MAL: variants seen among roughly 807,000 people sequenced by gnomAD.
MAL encodes the protein mal, T cell differentiation protein (MAL blood group).
MAL carries 5 observed loss-of-function variants against 16.7 expected under a neutral mutation model. That is an observed-to-expected ratio of 0.30 (90% CI 0.16 to 0.63). The LOEUF (loss-of-function observed/expected upper bound fraction) is 0.63, where lower values mean the gene tolerates loss of function less well. Among genes scored for constraint, MAL ranks in the 30% least tolerant of loss-of-function variants. The probability of loss-of-function intolerance (pLI) is 0.82; values close to 1 mark genes in which losing one functional copy is unlikely to be tolerated. For missense variants in MAL, 202 were observed against 195.8 expected (o/e 1.03, Z -0.19); for synonymous variants, 96 against 85.5 (o/e 1.12, Z -0.67).
chr2:95,043,354 G>A (rs1674514674), intron 1 of MAL, among the ~76,000 whole-genome samples: 1 of 152,250 alleles, frequency 6.6e-6, no homozygotes, highest in South Asian at 2.1e-4. Flanking sequence ...GTAGTGCTGG[G>A]CTCAGTGCCA....
At position 95,049,570 on chromosome 2, in the gene MAL, C is replaced by T. The variant is rs757384612; in HGVS notation, c.262-11C>T. 1.2e-6 allele frequency: 2 copies of T among 1,614,110 alleles called. No homozygotes were observed. Among genetic ancestry groups the T allele is most frequent in the South Asian group, 1.1e-5 (1 of 91,068 alleles). On this transcript the variant is annotated splice_polypyrimidine_tract_variant and intron_variant, in intron 2 of 3. Coordinates refer to ENST00000309988, the MANE Select transcript of MAL (RefSeq NM_002371.4). ...TCTCCCCATCCCTCTGACACCCCGT[C>T]TGCCCCATAGGACGCAGCCTACCAC... is the stretch of plus-strand genomic sequence containing the variant.
intron 3 of MAL, among the ~76,000 whole-genome samples, chr2:95,052,220 C>T (rs1172291933): frequency 1.3e-5 from 2 of 152,172 alleles, no homozygotes; most frequent in Non-Finnish European, 2.9e-5. Flanking sequence ...TTTCTGAAGC[C>T]AAAATTTGCC....
chr2:95,048,366 C>T (rs1395821719), intron 2 of MAL, among the ~76,000 whole-genome samples: 4 of 152,174 alleles, frequency 2.6e-5, no homozygotes, highest in South Asian at 2.1e-4. Context: ...TGCATGACTG[C>T]CTTTCCATGG....
Position 95,047,948 on chromosome 2 carries a change from C to T in MAL, c.94-11C>T, listed in dbSNP as rs1455141325. 6.2e-7 allele frequency: 1 copy of T among 1,611,940 alleles called. No individual in the cohort carries two copies. The highest frequency in any genetic ancestry group is 1.1e-5 in the South Asian group (1 of 90,964). ...TCTAGGCCAAAACTCACCCCTCCTC[C>T]TCCCCCGCAGATCTTCGGGGGCCTG... On this transcript the variant is annotated splice_polypyrimidine_tract_variant and intron_variant, in intron 1 of 3. Transcript: ENST00000309988.
chr2:95,045,768 C>T (rs1163017660), intron 1 of MAL, among the ~76,000 whole-genome samples: 1 of 152,222 alleles, frequency 6.6e-6, no homozygotes, highest in Non-Finnish European at 1.5e-5. Flanking sequence ...CTCCTGAATC[C>T]AAGCCCTGCC....
chr2:95,043,113 G>A (rs1395297666), intron 1 of MAL, among the ~76,000 whole-genome samples: 1 of 152,226 alleles, frequency 6.6e-6, no homozygotes. Flanking sequence ...CATCCTCTGA[G>A]CTTGGCATGT....
At position 95,037,120 on chromosome 2, in the gene MAL, G is replaced by GGTGA. The variant is rs1181938378; in HGVS notation, c.94-10822_94-10819dup. 1.1e-3 allele frequency among the ~76,000 whole-genome samples: 77 copies of GGTGA among 69,472 alleles called. 1 individual carries two copies. Among genetic ancestry groups the GGTGA allele is most frequent in the Non-Finnish European group, 1.5e-3 (49 of 32,978 alleles). The allele number at this position is 69,472 out of a possible 152,430, so 45.6% of individuals were successfully genotyped here. A position where few individuals can be genotyped will look rare whatever the true frequency, so the allele number is the denominator to read the frequency against. On this transcript the variant is annotated intron_variant, in intron 1 of 3. Transcript: ENST00000309988. ...GAGTGGGTGAGTGAGTGACTGAGTG[G>GGTGA]GTGAGTGAGTGAGTGAGTGACTGAG...
At chr2:95,031,797 C>T (rs1377900448) in intron 1 of MAL, among the ~76,000 whole-genome samples, 3 of 152,254 alleles carry the variant, frequency 2.0e-5, no homozygotes. Context: ...GGGCTACTGC[C>T]TGATCTTCCG....
intron 3 of MAL, among the ~76,000 whole-genome samples, chr2:95,052,180 G>A (rs933263172): frequency 7.9e-5 from 12 of 152,234 alleles, no homozygotes; most frequent in Non-Finnish European, 1.6e-4. Context: ...ACAATGGTGG[G>A]CAGTGATGGC....
chr2:95,053,134 T>C (rs1027974213), intron 3 of MAL: 1 of 428,078 alleles, frequency 2.3e-6, no homozygotes, highest in Non-Finnish European at 4.2e-6. Context: ...TGCTGGGTGA[T>C]AGTGGAGAGT....
At chr2:95,046,242 A>G (rs1003713281) in intron 1 of MAL, among the ~76,000 whole-genome samples, 1 of 152,224 alleles carries the variant, frequency 6.6e-6, no homozygotes, top group African/African-American at 2.4e-5. Flanking sequence ...ACCACAGGGG[A>G]CATAGGCCTG....
chr2:95,031,931 CAG>C (rs1674092947), intron 1 of MAL, among the ~76,000 whole-genome samples: 1 of 152,232 alleles, frequency 6.6e-6, no homozygotes, highest in African/African-American at 2.4e-5. Context: ...GGTGAGGACT[CAG>C]TAACTTTGAG....
chr2:95,040,202 G>A (rs1182005507), intron 1 of MAL, among the ~76,000 whole-genome samples: 2 of 149,802 alleles, frequency 1.3e-5, no homozygotes, highest in African/African-American at 2.5e-5. Context: ...GGCATACACA[G>A]GCACATGCAC....
At chr2:95,033,700 G>T (rs891066330) in intron 1 of MAL, among the ~76,000 whole-genome samples, 1 of 152,146 alleles carries the variant, frequency 6.6e-6, no homozygotes, top group African/African-American at 2.4e-5. Context: ...GATTGCTTGA[G>T]CCTGGAGGTC....
intron 1 of MAL, among the ~76,000 whole-genome samples, chr2:95,036,404 C>T (rs1229979101): frequency 6.6e-6 from 1 of 152,216 alleles, no homozygotes; most frequent in Non-Finnish European, 1.5e-5. Context: ...ATTGCTCAGA[C>T]ACTGACACTT....
At chr2:95,026,893 T>C (rs989326363) in intron 1 of MAL, among the ~76,000 whole-genome samples, 2 of 152,094 alleles carry the variant, frequency 1.3e-5, no homozygotes, top group Non-Finnish European at 2.9e-5. Context: ...CAGGTTGTTA[T>C]TGCCTGATTG....
chr2:95,035,733 G>A (rs1359492462), intron 1 of MAL, among the ~76,000 whole-genome samples: 1 of 146,876 alleles, frequency 6.8e-6, no homozygotes, highest in East Asian at 2.0e-4. Flanking sequence ...GCAGTGGCAT[G>A]ATCTCGGCTC....
chr2:95,053,741 G>A lies in MAL; in HGVS notation c.*286G>A. ...TGTGAAAGGGGACCTTCTTGTTCGGGGGTGGGAAGTGGCGACCGTGACCTG... is the reference window on the plus strand; with the variant it reads ...TGTGAAAGGGGACCTTCTTGTTCGGAGGTGGGAAGTGGCGACCGTGACCTG... On this transcript the variant is annotated 3_prime_UTR_variant, in exon 4 of 4. Coordinates refer to ENST00000309988, the MANE Select transcript of MAL (RefSeq NM_002371.4). 2.4e-6 allele frequency: 1 copy of A among 410,582 alleles called. No homozygotes were observed. Among genetic ancestry groups the A allele is most frequent in the Non-Finnish European group, 4.4e-6 (1 of 225,864 alleles). 25.4% of individuals were successfully genotyped at this position (410,582 alleles called of 1,614,324 possible). A position where few individuals can be genotyped will look rare whatever the true frequency, so the allele number is the denominator to read the frequency against.
chr2:95,047,881 T>C (rs544972520), intron 1 of MAL, 78 bp from the exon 2 acceptor site: 7 of 1,438,708 alleles, frequency 4.9e-6, no homozygotes, highest in African/African-American at 2.8e-5. Flanking sequence ...AGTCACCCCA[T>C]GTGACCGCTG....
Sources: allele counts gnomAD v4.1 joint callset (sites outside exome capture counted in the v4.1 genomes callset), GRCh38; gene constraint gnomAD v4.1.1; transcripts MANE v1.5; gene names NCBI Gene and HGNC (gene_info 2026-07-23, HGNC 2026-07-21).